ANKRD30BL: variants seen among roughly 807,000 people sequenced by gnomAD.
The protein encoded by ANKRD30BL is putative ankyrin repeat domain-containing protein 30B-like.
In ANKRD30BL, 20 loss-of-function variants were observed where a neutral mutation model predicts 18.4. That is an observed-to-expected ratio of 1.09 (90% CI 0.77 to 1.58). The LOEUF is 1.58. Ranked by LOEUF, ANKRD30BL falls within the 40% of genes most tolerant of loss-of-function variation. ANKRD30BL has a pLI of 0.00. For missense variants in ANKRD30BL, 224 were observed against 268.6 expected (o/e 0.83, Z 1.16); for synonymous variants, 72 against 100.9 (o/e 0.71, Z 1.72).
chr2:132,192,672 A>G (rs1678884880), intron 1 of ANKRD30BL, among the ~76,000 whole-genome samples: 1 of 152,188 alleles, frequency 6.6e-6, no homozygotes, highest in Non-Finnish European at 1.5e-5. Context: ...GTCACCCACC[A>G]TGTTTGCACC....
At chr2:132,216,566 T>C (rs568985587) in intron 1 of ANKRD30BL, among the ~76,000 whole-genome samples, 1 of 152,164 alleles carries the variant, frequency 6.6e-6, no homozygotes, top group Admixed American at 6.6e-5. Flanking sequence ...AGAAACTTCT[T>C]CGTGATGTGT....
At chr2:132,175,670 G>C (rs564577369) in intron 1 of ANKRD30BL, among the ~76,000 whole-genome samples, 1 of 152,348 alleles carries the variant, frequency 6.6e-6, no homozygotes, top group African/African-American at 2.4e-5. Context: ...CACATGTGGA[G>C]AATCCTTGGA....
chr2:132,204,580 A>G (rs1348828704), intron 1 of ANKRD30BL, among the ~76,000 whole-genome samples: 2 of 151,994 alleles, frequency 1.3e-5, no homozygotes, highest in Non-Finnish European at 2.9e-5. Context: ...AGAATAGTCA[A>G]GATTATTCCA....
chr2:132,212,046 C>G (rs2315187), intron 1 of ANKRD30BL, among the ~76,000 whole-genome samples: 43 of 151,632 alleles, frequency 2.8e-4, no homozygotes, highest in African/African-American at 9.9e-4. Flanking sequence ...ATATTTTTAA[C>G]GCTTGGCAGC....
chr2:132,237,084 A>G (rs930336475), intron 1 of ANKRD30BL, among the ~76,000 whole-genome samples: 2 of 151,388 alleles, frequency 1.3e-5, no homozygotes, highest in African/African-American at 4.8e-5. Flanking sequence ...ATGAGATCAC[A>G]TGGACACAGG....
At chr2:132,164,269 C>CTTTTTTTTTTTTTTTTTTTT (rs796313755), upstream of ANKRD30BL, among the ~76,000 whole-genome samples, 57 of 112,180 alleles carry the variant, frequency 5.1e-4, 1 homozygote, top group East Asian at 2.4e-3. Context: ...TTTTCTTTTT[C>CTTTTTTTTTTTTTTTTTTTT]TTTTTTTTTT....
At chr2:132,169,137 G>A (rs1288446942) in intron 1 of ANKRD30BL, among the ~76,000 whole-genome samples, 1 of 152,006 alleles carries the variant, frequency 6.6e-6, no homozygotes, top group Non-Finnish European at 1.5e-5. Context: ...AATATTTTCT[G>A]ATTTTTAGGG....
intron 1 of ANKRD30BL, among the ~76,000 whole-genome samples, chr2:132,249,260 T>C (rs140973690): frequency 1.0e-3 from 156 of 151,208 alleles, no homozygotes; most frequent in African/African-American, 2.9e-3. Flanking sequence ...ACCACACAGA[T>C]GTCTCTCAGA....
chr2:132,235,368 T>C (rs1680126514), intron 1 of ANKRD30BL, among the ~76,000 whole-genome samples: 1 of 152,032 alleles, frequency 6.6e-6, no homozygotes, highest in South Asian at 2.1e-4. Flanking sequence ...AAATAAAGAG[T>C]ATTCAATTAT....
At chr2:132,208,690 T>C (rs1412527173) in intron 1 of ANKRD30BL, among the ~76,000 whole-genome samples, 1 of 151,366 alleles carries the variant, frequency 6.6e-6, no homozygotes, top group Non-Finnish European at 1.5e-5. Flanking sequence ...GATAAGTGTA[T>C]TCACTAAAGC....
rs78948671 is a variant in ANKRD30BL, at chr2:132,253,612, C to G, written n.441+3917G>C. ...CCCCACCGACATCAGTGGCGACACGCAAGTGTGGCGTGGCCCCAGCTGGCC... is the reference window on the plus strand; with the variant it reads ...CCCCACCGACATCAGTGGCGACACGGAAGTGTGGCGTGGCCCCAGCTGGCC... On this transcript the variant is annotated intron_variant and non_coding_transcript_variant, in intron 1 of 4. Coordinates refer to the ANKRD30BL transcript ENST00000470729. Among the ~76,000 whole-genome samples, 3 of 152,236 alleles carry G rather than the reference C, an allele frequency of 2.0e-5. No individual in the cohort carries two copies. The South Asian group carries it at 6.2e-4, about 32-fold the overall frequency.
rs78965324 is a variant in ANKRD30BL at position 132,237,429 on chromosome 2, G to A, written n.441+20100C>T. On this transcript the variant is annotated intron_variant and non_coding_transcript_variant, in intron 1 of 4. Coordinates refer to the ANKRD30BL transcript ENST00000470729. ...ATATTAGGGCAGCATTGAGGATTTC[G>A]TTGGAAACGGGAATATCTTCACATA... is the stretch of plus-strand genomic sequence containing the variant. Among the ~76,000 whole-genome samples, 412 of 152,022 alleles carry A rather than the reference G, an allele frequency of 2.7e-3. 1 individual carries two copies. The highest frequency in any genetic ancestry group is 9.0e-3 in the African/African-American group (375 of 41,514).
intron 1 of ANKRD30BL, among the ~76,000 whole-genome samples, chr2:132,221,964 G>C (rs1336695508): frequency 7.4e-6 from 1 of 135,486 alleles, no homozygotes; most frequent in Non-Finnish European, 1.6e-5. Flanking sequence ...CGGGAGGTGA[G>C]GGGCGCCTCT....
intron 1 of ANKRD30BL, among the ~76,000 whole-genome samples, chr2:132,222,229 G>A (rs1279465115): frequency 1.1e-4 from 16 of 140,648 alleles, no homozygotes; most frequent in East Asian, 8.8e-4. Flanking sequence ...TCAGCCCCCC[G>A]CCCGGCCAGC....
chr2:132,210,272 C>T (rs7581767), intron 1 of ANKRD30BL, among the ~76,000 whole-genome samples: 1,692 of 151,452 alleles, frequency 0.011, 29 homozygotes, highest in African/African-American at 0.038. Flanking sequence ...AGAGATGAAC[C>T]TTTCTTTTGA....
chr2:132,184,119 G>T (rs549655884), intron 1 of ANKRD30BL, among the ~76,000 whole-genome samples: 6 of 151,962 alleles, frequency 3.9e-5, no homozygotes, highest in African/African-American at 1.2e-4. Flanking sequence ...TGTTGCCCAA[G>T]ATGAGTGCAG....
chr2:132,251,127 A>G (rs1046766845), intron 1 of ANKRD30BL, among the ~76,000 whole-genome samples: 2 of 152,224 alleles, frequency 1.3e-5, no homozygotes, highest in Non-Finnish European at 2.9e-5. Flanking sequence ...AAAGTCTGCT[A>G]TGACTTTCAA....
At chr2:132,205,264 G>A (rs1311358813) in intron 1 of ANKRD30BL, among the ~76,000 whole-genome samples, 1 of 152,126 alleles carries the variant, frequency 6.6e-6, no homozygotes, top group Non-Finnish European at 1.5e-5. Context: ...TACCCATTAA[G>A]ACTAGTACTT....
intron 4 of ANKRD30BL, among the ~76,000 whole-genome samples, chr2:132,152,913 T>A (rs1479994064): frequency 6.6e-6 from 1 of 152,146 alleles, no homozygotes; most frequent in East Asian, 1.9e-4. Context: ...AAGCTAAAAG[T>A]TCTAGCTGCC....
Sources: gnomAD v4.1 joint callset for allele counts (sites outside exome capture counted in the v4.1 genomes callset) on GRCh38, gnomAD v4.1.1 for gene constraint, MANE v1.5 for transcripts, NCBI Gene and HGNC (gene_info 2026-07-23, HGNC 2026-07-21) for gene names.